The following ITM2B variants were observed in gnomAD, a reference collection of about 807,000 sequenced individuals.
ITM2B encodes the protein ABri/ADan amyloid peptide.
Under a neutral mutation model 27.8 loss-of-function variants are expected in ITM2B, and 11 were observed. The observed-to-expected ratio is 0.40, with a 90% CI of 0.25 to 0.66. ITM2B has a LOEUF of 0.66. Ranked by LOEUF, ITM2B falls within the 30% of genes least tolerant of loss-of-function variation. The probability of loss-of-function intolerance (pLI) is 0.43; values close to 1 mark genes in which losing one functional copy is unlikely to be tolerated. For synonymous variants in ITM2B, 114 were observed against 114.3 expected (o/e 1.00, Z 0.02); for missense variants, 296 against 328.9 (o/e 0.90, Z 0.77).
intron 1 of ITM2B, among the ~76,000 whole-genome samples, chr13:48,245,961 G>A (rs1951722423): frequency 6.6e-6 from 1 of 151,776 alleles, no homozygotes; most frequent in Non-Finnish European, 1.5e-5. Context: ...TGTATTTTTA[G>A]TAGAGATGGG....
At chr13:48,241,303 C>A (rs1174037571) in intron 1 of ITM2B, among the ~76,000 whole-genome samples, 1 of 152,200 alleles carries the variant, frequency 6.6e-6, no homozygotes, top group African/African-American at 2.4e-5. Flanking sequence ...CTTCCGCCTC[C>A]CAGGTTCAAG....
Position 48,267,564 on chromosome 13 carries a change from A to G in ITM2B, c.*6340A>G, listed in dbSNP as rs1209848578. On this transcript the variant is annotated 3_prime_UTR_variant, in exon 6 of 6. Transcript: ENST00000647800. ...AATGTCTTTGTATAACCATGGCATG[A>G]TATTATTCTCTTGACTTTTGTTGAG... The G allele has an allele frequency of 1.3e-5, 2 of 152,210 alleles. No homozygotes were observed. The highest frequency in any genetic ancestry group is 2.9e-5 in the Non-Finnish European group (2 of 68,036). The allele number at this position is 152,210 out of a possible 1,614,324, so 9.4% of individuals were successfully genotyped here.
chr13:48,254,898 A>G (rs532905293), intron 2 of ITM2B: 2 of 151,742 alleles, frequency 1.3e-5, no homozygotes, highest in South Asian at 2.1e-4. Flanking sequence ...TTCTTGAGAC[A>G]GAGTTTCTCT....
chr13:48,258,267 G>A (rs777075939), intron 4 of ITM2B, 31 bp downstream of exon 4: 2 of 1,050,506 alleles, frequency 1.9e-6, no homozygotes, highest in East Asian at 4.7e-5. Context: ...TTTGATGAAT[G>A]ATGCCTTCAT....
At chr13:48,244,635 T>C (rs1290333266) in intron 1 of ITM2B, among the ~76,000 whole-genome samples, 2 of 152,214 alleles carry the variant, frequency 1.3e-5, no homozygotes, top group Non-Finnish European at 2.9e-5. Context: ...ATTACCCATA[T>C]TTGAATATGA....
rs549036069 is a variant in ITM2B at position 48,265,350 on chromosome 13, AT to A, written c.*4127del. On this transcript the variant is annotated 3_prime_UTR_variant, in exon 6 of 6. Coordinates refer to ENST00000647800, the MANE Select transcript of ITM2B (RefSeq NM_021999.5). ...TCTTCTTTCCAAACAGTGTGGTCTT[AT>A]CCCCGTCGCAAATGGAGGATATTTA... 6.6e-6 allele frequency: 1 copy of A among 152,174 alleles called. No individual in the cohort carries two copies. Among genetic ancestry groups the A allele is most frequent in the Non-Finnish European group, 1.5e-5 (1 of 68,088 alleles). 9.4% of individuals were successfully genotyped at this position (152,174 alleles called of 1,614,324 possible).
chr13:48,267,812 G>T lies in ITM2B; in HGVS notation c.*6588G>T, dbSNP rs1256264355. 1.3e-5 allele frequency: 2 copies of T among 152,158 alleles called. No individual in the cohort carries two copies. The highest frequency in any genetic ancestry group is 2.4e-5 in the African/African-American group (1 of 41,418). 9.4% of individuals were successfully genotyped at this position (152,158 alleles called of 1,614,324 possible). ...GCTGGGAAACTCAGAGCCAAACTCG[G>T]TGCTTAGATTAATTACTTTCAGCCT... On this transcript the variant is annotated 3_prime_UTR_variant, in exon 6 of 6. Transcript: ENST00000647800.
chr13:48,261,578 A>G lies in ITM2B; in HGVS notation c.*354A>G, dbSNP rs1566164966. The stretch of plus-strand genomic sequence containing the variant: ...CTAGAGAATAATCATATATATGCAT[A>G]CGTAAAAATGGACCACAGTGACTTA... On this transcript the variant is annotated 3_prime_UTR_variant, in exon 6 of 6. Transcript: ENST00000647800. The G allele has an allele frequency of 5.9e-6, 1 of 168,576 alleles. No individual in the cohort carries two copies. The highest frequency in any genetic ancestry group is 1.3e-5 in the Non-Finnish European group (1 of 78,108). The allele number at this position is 168,576 out of a possible 1,614,324, so 10.4% of individuals were successfully genotyped here.
chr13:48,245,987 C>A (rs1405737160), intron 1 of ITM2B, among the ~76,000 whole-genome samples: 1 of 152,072 alleles, frequency 6.6e-6, no homozygotes, highest in Non-Finnish European at 1.5e-5. Context: ...ACCGTGTTAG[C>A]CAGGATGGTC....
rs1461585543 is a variant in ITM2B, at chr13:48,233,251, GCCCGGAGCCGCT to G, written c.-100_-89del. On this transcript the variant is annotated 5_prime_UTR_variant, in exon 1 of 6. Coordinates refer to ENST00000647800, the MANE Select transcript of ITM2B (RefSeq NM_021999.5). ...CGGAGCTTCCCGAACCTCTTCAGCC[GCCCGGAGCCGCT>G]CCCGGAGCCCGGCCGTAGAGGCTGC... 10 of 625,986 alleles carry G rather than the reference GCCCGGAGCCGCT, an allele frequency of 1.6e-5. No homozygotes were observed. The South Asian group carries it at 2.1e-4, about 13-fold the overall frequency. The allele number at this position is 625,986 out of a possible 1,614,324, so 38.8% of individuals were successfully genotyped here.
intron 4 of ITM2B, 109 bp downstream of exon 4, chr13:48,258,345 A>T (rs1951802047): frequency 2.7e-6 from 2 of 735,778 alleles, no homozygotes; most frequent in Non-Finnish European, 5.0e-6. Context: ...TGTAGTTAAG[A>T]ATTTTACAAA....
chr13:48,240,492 T>G (rs1951693768), intron 1 of ITM2B, among the ~76,000 whole-genome samples: 1 of 152,198 alleles, frequency 6.6e-6, no homozygotes, highest in South Asian at 2.1e-4. Context: ...ATCATTCTTG[T>G]TTTGGAATAT....
At chr13:48,233,920 TC>T (rs1436207397) in intron 1 of ITM2B, among the ~76,000 whole-genome samples, 1 of 152,152 alleles carries the variant, frequency 6.6e-6, no homozygotes, top group Non-Finnish European at 1.5e-5. Context: ...TTTCCCACTT[TC>T]GTTTCTAGGC....
intron 2 of ITM2B, among the ~76,000 whole-genome samples, chr13:48,254,627 C>T (rs1490834985): frequency 6.6e-6 from 1 of 151,808 alleles, no homozygotes; most frequent in Admixed American, 6.6e-5. Flanking sequence ...GGTTTTATGA[C>T]TACTTCAGCT....
chr13:48,255,818 A>T (rs186940536), intron 2 of ITM2B, among the ~76,000 whole-genome samples: 6 of 152,230 alleles, frequency 3.9e-5, no homozygotes, highest in African/African-American at 1.4e-4. Flanking sequence ...TTTCAGAAAA[A>T]CTTGACTAGT....
intron 1 of ITM2B, among the ~76,000 whole-genome samples, chr13:48,243,815 T>C (rs1392000586): frequency 6.6e-6 from 1 of 151,244 alleles, no homozygotes; most frequent in Non-Finnish European, 1.5e-5. Flanking sequence ...AGACCCTGTC[T>C]CAAAAAAAAA....
intron 1 of ITM2B, among the ~76,000 whole-genome samples, chr13:48,253,526 A>G (rs1012409106): frequency 1.3e-5 from 2 of 152,186 alleles, no homozygotes; most frequent in Admixed American, 1.3e-4. Flanking sequence ...GAAAGTAAAA[A>G]TTATGGAGTG....
intron 1 of ITM2B, among the ~76,000 whole-genome samples, chr13:48,248,235 G>T (rs991109070): frequency 1.3e-5 from 2 of 151,664 alleles, no homozygotes; most frequent in Non-Finnish European, 2.9e-5. Flanking sequence ...TGCCTTTTTT[G>T]GGGGGGTCAG....
At chr13:48,251,611 G>A (rs1004670409) in intron 1 of ITM2B, among the ~76,000 whole-genome samples, 2 of 152,108 alleles carry the variant, frequency 1.3e-5, no homozygotes, top group Non-Finnish European at 1.5e-5. Context: ...TTGGGGCTGC[G>A]TATTCTTTTA....
Sources: gnomAD v4.1 joint callset for allele counts (sites outside exome capture counted in the v4.1 genomes callset) on GRCh38, gnomAD v4.1.1 for gene constraint, MANE v1.5 for transcripts, NCBI Gene and HGNC (gene_info 2026-07-23, HGNC 2026-07-21) for gene names.